WNK2: variants seen among roughly 807,000 people sequenced by gnomAD.
WNK2 encodes the protein WNK lysine deficient protein kinase 2.
A neutral mutation model predicts 192.1 loss-of-function variants in WNK2; 67 were observed. The observed-to-expected ratio is 0.35, with a 90% CI of 0.29 to 0.43. WNK2 has a LOEUF of 0.43. Among genes scored for constraint, WNK2 ranks in the 20% least tolerant of loss-of-function variants. The pLI is 1.00. For synonymous variants in WNK2, 1,439 were observed against 1,393.9 expected, an observed-to-expected ratio of 1.03 and a Z score of -0.72; for missense variants, 2,698 against 3,089.7, an observed-to-expected ratio of 0.87 and a Z score of 3.01.
intron 22 of WNK2, 21 bp from the exon 23 acceptor site, chr9:93,292,470 C>T: frequency 6.2e-7 from 1 of 1,609,680 alleles, no homozygotes; most frequent in South Asian, 1.1e-5. Context: ...GAAACCTCTT[C>T]ATCTCCGCTT....
chr9:93,281,185 T>G (rs988516619), intron 19 of WNK2, among the ~76,000 whole-genome samples: 3 of 152,172 alleles, frequency 2.0e-5, no homozygotes, highest in African/African-American at 7.2e-5. Flanking sequence ...TGTCAAAACT[T>G]AGATATGTGC....
intron 20 of WNK2, 96 bp downstream of exon 20, chr9:93,289,716 G>T: frequency 7.9e-7 from 1 of 1,261,496 alleles, no homozygotes; most frequent in South Asian, 1.6e-5. Context: ...GCTATGCAGA[G>T]CCGCCCTCAC....
In WNK2 at chr9:93,239,167, G is replaced by C. The variant is rs1041542850; in HGVS notation, c.1323-590G>C. 1.3e-5 allele frequency among the ~76,000 whole-genome samples: 2 copies of C among 152,210 alleles called. No individual in the cohort carries two copies. Among genetic ancestry groups the C allele is most frequent in the African/African-American group, 4.8e-5 (2 of 41,440 alleles). On this transcript the variant is annotated intron_variant, in intron 6 of 29. Coordinates refer to ENST00000427277, the MANE Select transcript of WNK2 (RefSeq NM_006648.4). The surrounding 1 kb of genome is among the most constrained non-coding windows in gnomAD (Gnocchi z 4.2). ...CAACACCCTGTGGCCCGCCCTCCCG[G>C]ATCCCTGCAAAGAGCCTTCGAGGCT...
chr9:93,235,085 A>G (rs1839563241), intron 5 of WNK2, 120 bp downstream of exon 5: 1 of 1,252,830 alleles, frequency 8.0e-7, no homozygotes. Context: ...GAGCTTGGCC[A>G]TTTTGCAGAG....
At chr9:93,227,028 T>G (rs1287804478) in intron 2 of WNK2, among the ~76,000 whole-genome samples, 1 of 152,072 alleles carries the variant, frequency 6.6e-6, no homozygotes, top group Non-Finnish European at 1.5e-5. Flanking sequence ...CAAGCCCTCC[T>G]CTGAGGGCTG....
intron 2 of WNK2, among the ~76,000 whole-genome samples, chr9:93,204,865 T>C (rs4743903): frequency 0.91 from 139,075 of 152,208 alleles, 63,702 homozygotes; most frequent in African/African-American, 0.98. Context: ...GGCTGTGTGT[T>C]TGGTGGCCTT....
chr9:93,242,865 A>G (rs753216548), intron 7 of WNK2, among the ~76,000 whole-genome samples: 2 of 152,196 alleles, frequency 1.3e-5, no homozygotes, highest in Non-Finnish European at 2.9e-5. Flanking sequence ...ATAGGAGGAC[A>G]TTTGGATGAC....
chr9:93,239,615 C>T lies in WNK2; in HGVS notation c.1323-142C>T, dbSNP rs1840406350. 1 of 647,778 alleles carries T rather than the reference C, an allele frequency of 1.5e-6. No homozygotes were observed. The highest frequency in any genetic ancestry group is 2.6e-6 in the Non-Finnish European group (1 of 377,710). 40.1% of individuals were successfully genotyped at this position (647,778 alleles called of 1,614,324 possible). On this transcript the variant is annotated intron_variant, in intron 6 of 29. Coordinates refer to ENST00000427277, the MANE Select transcript of WNK2 (RefSeq NM_006648.4). The surrounding 1 kb of genome is among the most constrained non-coding windows in gnomAD (Gnocchi z 4.2). ...TGGATTCACTGAAATCTTTTCTTTA[C>T]CCCTGGGAGTGCTGAGACATGAGGC...
At position 93,185,254 on chromosome 9, in the gene WNK2, G is replaced by A; in HGVS notation, c.325G>A (p.Gly109Arg). The change falls in exon 2 of 30, where the codon GGA becomes AGA. Residue 109 changes from glycine (G) to arginine (R), a missense_variant. This residue lies in a region of WNK2 where 260 missense variants were observed against 285.6 expected (regional missense o/e 0.91). Coordinates refer to ENST00000427277, the MANE Select transcript of WNK2 (RefSeq NM_006648.4). ...GCTGGTAGCGCAGCCGGGAGCCCCC[G>A]GAGCCCCCGCGGACGCCGGCCCCGA... ...AALVAQPGAP[G>R]APADAGPEPV... 3 of 1,262,804 alleles carry A rather than the reference G, an allele frequency of 2.4e-6. No homozygotes were observed. The highest frequency in any genetic ancestry group is 3.0e-6 in the Non-Finnish European group (3 of 1,008,476). The allele number at this position is 1,262,804 out of a possible 1,614,324, so 78.2% of individuals were successfully genotyped here.
At position 93,262,659 on chromosome 9, in the gene WNK2, G is replaced by C; in HGVS notation, c.3361-11G>C. ...ATGACCTGTTCTCTTTTCTCCGGGTGTTTATTTCAGGAGCAGGCCTCACAG... is the reference window on the plus strand; with the variant it reads ...ATGACCTGTTCTCTTTTCTCCGGGTCTTTATTTCAGGAGCAGGCCTCACAG... On this transcript the variant is annotated splice_polypyrimidine_tract_variant and intron_variant, in intron 13 of 29. Coordinates refer to ENST00000427277, the MANE Select transcript of WNK2 (RefSeq NM_006648.4). The C allele has an allele frequency of 6.2e-7, 1 of 1,612,714 alleles. No individual in the cohort carries two copies. Among genetic ancestry groups the C allele is most frequent in the South Asian group, 1.1e-5 (1 of 91,082 alleles).
chr9:93,290,688 T>TA (rs891435392), intron 21 of WNK2, among the ~76,000 whole-genome samples: 3 of 152,212 alleles, frequency 2.0e-5, no homozygotes, highest in African/African-American at 7.2e-5. Context: ...AACCCAGCCT[T>TA]ACTTCAGCTA....
At chr9:93,208,319 G>A (rs78764693) in intron 2 of WNK2, among the ~76,000 whole-genome samples, 1 of 152,198 alleles carries the variant, frequency 6.6e-6, no homozygotes, top group African/African-American at 2.4e-5. Flanking sequence ...AAACAATAGA[G>A]GTAACACGTT....
In WNK2 at chr9:93,195,660, C is replaced by T. The variant is rs1447267967; in HGVS notation, c.681+10050C>T. Among the ~76,000 whole-genome samples, 3 of 128,592 alleles carry T rather than the reference C, an allele frequency of 2.3e-5. No individual in the cohort carries two copies. The Admixed American group carries it at 2.8e-4, about 12-fold the overall frequency. 84.4% of individuals were successfully genotyped at this position (128,592 alleles called of 152,430 possible). On this transcript the variant is annotated intron_variant, in intron 2 of 29. Transcript: ENST00000427277. ...GTTGCAGTGAGCCAAGATCGTGCCA[C>T]TGCACTCCAGCCTGGGCAACAGAGT...
intron 2 of WNK2, among the ~76,000 whole-genome samples, chr9:93,208,516 T>C (rs1030904623): frequency 6.6e-6 from 1 of 151,134 alleles, no homozygotes; most frequent in African/African-American, 2.4e-5. Context: ...CACGTGTACA[T>C]GTTATGTGTA....
chr9:93,279,834 T>A (rs1847457368), intron 19 of WNK2, among the ~76,000 whole-genome samples: 1 of 152,120 alleles, frequency 6.6e-6, no homozygotes, highest in African/African-American at 2.4e-5. Context: ...TTTGTAACAG[T>A]TGATCATCCT....
At chr9:93,281,594 A>C (rs1847745822) in intron 19 of WNK2, among the ~76,000 whole-genome samples, 1 of 152,198 alleles carries the variant, frequency 6.6e-6, no homozygotes, top group Non-Finnish European at 1.5e-5. Context: ...AGTCCCAGAA[A>C]ACAAGAGAAT....
In WNK2 at chr9:93,257,252, G is replaced by A; in HGVS notation, c.2382+113G>A. The A allele has an allele frequency of 8.3e-7, 1 of 1,211,516 alleles. No homozygotes were observed. Among genetic ancestry groups the A allele is most frequent in the South Asian group, 1.4e-5 (1 of 69,976 alleles). 75.0% of individuals were successfully genotyped at this position (1,211,516 alleles called of 1,614,324 possible). On this transcript the variant is annotated intron_variant, in intron 11 of 29. Coordinates refer to ENST00000427277, the MANE Select transcript of WNK2 (RefSeq NM_006648.4). The surrounding 1 kb of genome is among the most constrained non-coding windows in gnomAD (Gnocchi z 4.7). ...GTCTGTGCATGTGACCTGTGACCTGGGGTTGGGCTGGCCAGGGAGTTGGGG... is the reference window on the plus strand; with the variant it reads ...GTCTGTGCATGTGACCTGTGACCTGAGGTTGGGCTGGCCAGGGAGTTGGGG...
chr9:93,301,206 G>A (rs1257165210), intron 26 of WNK2, among the ~76,000 whole-genome samples: 1 of 150,530 alleles, frequency 6.6e-6, no homozygotes, highest in African/African-American at 2.5e-5. Flanking sequence ...AGATTTTTAG[G>A]CTTTTGTCTT....
chr9:93,281,375 A>G (rs893968479), intron 19 of WNK2, among the ~76,000 whole-genome samples: 3 of 13,354 alleles, frequency 2.2e-4, no homozygotes, highest in African/African-American at 2.9e-4. Flanking sequence ...AACTATGCCA[A>G]AAAAAAAGCT....
Sources: gnomAD v4.1 joint callset for allele counts (sites outside exome capture counted in the v4.1 genomes callset) on GRCh38, gnomAD v4.1.1 for gene constraint, gnomAD v4.1.1 regional missense constraint, Gnocchi (gnomAD v3.1) non-coding constraint, MANE v1.5 for transcripts, NCBI Gene and HGNC (gene_info 2026-07-23, HGNC 2026-07-21) for gene names.